JDP2: variants seen among roughly 807,000 people sequenced by gnomAD.
JDP2 encodes progesterone receptor co-activator.
A neutral mutation model predicts 17.1 loss-of-function variants in JDP2; 9 were observed. The ratio of observed to expected loss-of-function variants is 0.53; its 90% CI spans 0.32 to 0.92. The LOEUF (loss-of-function observed/expected upper bound fraction) is 0.92, where lower values mean the gene tolerates loss of function less well. Among genes scored for constraint, JDP2 ranks in the 40% least tolerant of loss-of-function variants. The pLI is 0.04. For missense variants in JDP2, 179 were observed against 220.0 expected (o/e 0.81, Z 1.18); for synonymous variants, 107 against 95.6 (o/e 1.12, Z -0.69).
At chr14:75,439,737 C>T (rs1465875385) in intron 2 of JDP2, among the ~76,000 whole-genome samples, 3 of 152,218 alleles carry the variant, frequency 2.0e-5, no homozygotes, top group South Asian at 2.1e-4. Context: ...GGGCACATCC[C>T]GGCTTATATA....
intron 3 of JDP2, among the ~76,000 whole-genome samples, chr14:75,465,593 G>A (rs1032540427): frequency 6.6e-6 from 1 of 152,170 alleles, no homozygotes; most frequent in Non-Finnish European, 1.5e-5. Context: ...GCCTCCCAAA[G>A]TTCTGGGATT....
In JDP2 at chr14:75,469,836, G is replaced by A. The variant is rs2032209481; in HGVS notation, c.*361G>A. 1 of 184,146 alleles carries A rather than the reference G, an allele frequency of 5.4e-6. No individual in the cohort carries two copies. Among genetic ancestry groups the A allele is most frequent in the Admixed American group, 6.0e-5 (1 of 16,714 alleles). 11.4% of individuals were successfully genotyped at this position (184,146 alleles called of 1,614,324 possible). A position where few individuals can be genotyped will look rare whatever the true frequency, so the allele number is the denominator to read the frequency against. ...CTCTTCACCAGGGCACCCATCCAAG[G>A]AACCTCCGAACAGCCAGGAAAAGCC... On this transcript the variant is annotated 3_prime_UTR_variant, in exon 4 of 4. Coordinates refer to ENST00000651602, the MANE Select transcript of JDP2 (RefSeq NM_001135048.2).
chr14:75,468,742 T>C (rs965177958), intron 3 of JDP2, among the ~76,000 whole-genome samples: 8 of 152,364 alleles, frequency 5.3e-5, no homozygotes, highest in Admixed American at 2.6e-4. Context: ...GACTAATAGC[T>C]AGGAAGCACA....
At chr14:75,468,114 G>A (rs1886649066) in intron 3 of JDP2, among the ~76,000 whole-genome samples, 1 of 152,164 alleles carries the variant, frequency 6.6e-6, no homozygotes, top group Non-Finnish European at 1.5e-5. Context: ...TGGGCTTACG[G>A]GCCCTCTGGT....
At chr14:75,437,814 A>G in intron 1 of JDP2, 84 bp from the exon 2 acceptor site, 1 of 904,940 alleles carries the variant, frequency 1.1e-6, no homozygotes. Flanking sequence ...GAAAGAAGCC[A>G]CAGTCCTGGC....
At chr14:75,459,290 G>T (rs748749303) in intron 2 of JDP2, among the ~76,000 whole-genome samples, 1 of 152,212 alleles carries the variant, frequency 6.6e-6, no homozygotes, top group Non-Finnish European at 1.5e-5. Flanking sequence ...AAGGTTGGGC[G>T]GAATCAATTT....
intron 1 of JDP2, among the ~76,000 whole-genome samples, chr14:75,434,645 C>T (rs1823065936): frequency 6.6e-6 from 1 of 152,076 alleles, no homozygotes; most frequent in South Asian, 2.1e-4. Context: ...CTCATTTCTA[C>T]CATCTGTATG....
intron 1 of JDP2, among the ~76,000 whole-genome samples, chr14:75,433,377 A>C (rs918500284): frequency 1.8e-4 from 27 of 150,682 alleles, no homozygotes; most frequent in African/African-American, 6.6e-4. Context: ...TTAATAAGTT[A>C]CCTTTAGCTT....
At chr14:75,466,804 A>G (rs1176428203) in intron 3 of JDP2, among the ~76,000 whole-genome samples, 1 of 152,140 alleles carries the variant, frequency 6.6e-6, no homozygotes, top group Non-Finnish European at 1.5e-5. Context: ...CCCAGGCTTC[A>G]TTCCTCAGAC....
Position 75,470,935 on chromosome 14 carries a change from A to G in JDP2, c.*1460A>G, listed in dbSNP as rs1363962608. Reference sequence around the variant, plus strand: ...AGACATAGTCTCTTCCCTTCTCACAAGAGCACAAACTAGGCACGATTCTTC... The same window carrying G: ...AGACATAGTCTCTTCCCTTCTCACAGGAGCACAAACTAGGCACGATTCTTC... On this transcript the variant is annotated 3_prime_UTR_variant, in exon 4 of 4. Coordinates refer to ENST00000651602, the MANE Select transcript of JDP2 (RefSeq NM_001135048.2). The G allele has an allele frequency of 6.6e-6, 1 of 152,240 alleles. No homozygotes were observed. The allele number at this position is 152,240 out of a possible 1,614,324, so 9.4% of individuals were successfully genotyped here. A position where few individuals can be genotyped will look rare whatever the true frequency, so the allele number is the denominator to read the frequency against.
At chr14:75,455,138 A>G (rs1210039062) in intron 2 of JDP2, among the ~76,000 whole-genome samples, 1 of 152,180 alleles carries the variant, frequency 6.6e-6, no homozygotes, top group East Asian at 1.9e-4. Flanking sequence ...CTGGGCACAC[A>G]AATCTGCGTG....
chr14:75,473,918 G>C lies in JDP2; in HGVS notation c.*4443G>C, dbSNP rs1886862370. Reference sequence around the variant, plus strand: ...GGGAACTAGGGATGCCACTGCAAGGGTAAGTAGGACGCTGGACTTCAACTT... The same window carrying C: ...GGGAACTAGGGATGCCACTGCAAGGCTAAGTAGGACGCTGGACTTCAACTT... On this transcript the variant is annotated 3_prime_UTR_variant, in exon 4 of 4. Transcript: ENST00000651602. 1 of 152,246 alleles carries C rather than the reference G, an allele frequency of 6.6e-6. No individual in the cohort carries two copies. Among genetic ancestry groups the C allele is most frequent in the Non-Finnish European group, 1.5e-5 (1 of 68,046 alleles). The allele number at this position is 152,246 out of a possible 1,614,324, so 9.4% of individuals were successfully genotyped here. A position where few individuals can be genotyped will look rare whatever the true frequency, so the allele number is the denominator to read the frequency against.
intron 1 of JDP2, among the ~76,000 whole-genome samples, chr14:75,437,181 A>G (rs1885106029): frequency 6.6e-6 from 1 of 151,910 alleles, no homozygotes; most frequent in Admixed American, 6.6e-5. Flanking sequence ...GCAAAAAAAA[A>G]AAAAAAAAAA....
rs181559125 is a variant in JDP2 at position 75,471,920 on chromosome 14, A to T, written c.*2445A>T. 6.6e-6 allele frequency: 1 copy of T among 152,136 alleles called. No individual in the cohort carries two copies. Among genetic ancestry groups the T allele is most frequent in the Non-Finnish European group, 1.5e-5 (1 of 68,016 alleles). The allele number at this position is 152,136 out of a possible 1,614,324, so 9.4% of individuals were successfully genotyped here. A position where few individuals can be genotyped will look rare whatever the true frequency, so the allele number is the denominator to read the frequency against. On this transcript the variant is annotated 3_prime_UTR_variant, in exon 4 of 4. Transcript: ENST00000651602. ...CAGGGTCCCTCCAGTGACCTAGTGG[A>T]TGTTCTTACAGGACTGCCGTGTGCC...
chr14:75,453,256 G>C (rs982676473), intron 2 of JDP2, among the ~76,000 whole-genome samples: 1 of 152,186 alleles, frequency 6.6e-6, no homozygotes, highest in Non-Finnish European at 1.5e-5. Flanking sequence ...GTATTTGGGT[G>C]TTTACTTCCC....
At chr14:75,432,429 C>A in intron 1 of JDP2, 1 of 1,244,070 alleles carries the variant, frequency 8.0e-7, no homozygotes, top group Non-Finnish European at 1.1e-6. Context: ...GGAATCTTCC[C>A]AGGCTCTGGC....
At position 75,471,407 on chromosome 14, in the gene JDP2, C is replaced by T. The variant is rs45479501; in HGVS notation, c.*1932C>T. The T allele has an allele frequency of 9.9e-3, 1,505 of 152,374 alleles. 11 individuals are homozygous for T. The highest frequency in any genetic ancestry group is 0.027 in the South Asian group (132 of 4,820). The allele number at this position is 152,374 out of a possible 1,614,324, so 9.4% of individuals were successfully genotyped here. On this transcript the variant is annotated 3_prime_UTR_variant, in exon 4 of 4. Transcript: ENST00000651602. ...AGGCGGGAGAGGTGTTTTTAGCTTC[C>T]TTGTATACTGAAGCTTGCAAAGGCT... is the stretch of plus-strand genomic sequence containing the variant.
intron 3 of JDP2, among the ~76,000 whole-genome samples, chr14:75,468,433 T>C (rs1886662813): frequency 2.0e-5 from 3 of 152,182 alleles, no homozygotes; most frequent in African/African-American, 7.2e-5. Context: ...TTTTCAGACA[T>C]AATCCAAGAA....
At chr14:75,434,288 C>T (rs1343069671) in intron 1 of JDP2, among the ~76,000 whole-genome samples, 5 of 152,222 alleles carry the variant, frequency 3.3e-5, no homozygotes, top group African/African-American at 1.2e-4. Context: ...CTGCTCAGCT[C>T]CTCCATCTTC....
Sources: gnomAD v4.1 joint callset for allele counts (sites outside exome capture counted in the v4.1 genomes callset) on GRCh38, gnomAD v4.1.1 for gene constraint, MANE v1.5 for transcripts, NCBI Gene and HGNC (gene_info 2026-07-23, HGNC 2026-07-21) for gene names.